The following ZNF254 variants were observed in gnomAD, a reference collection of about 807,000 sequenced individuals.
ZNF254 encodes the protein zinc finger protein 254.
In ZNF254, 10 loss-of-function variants were observed where a neutral mutation model predicts 12.4. The ratio of observed to expected loss-of-function variants is 0.80; its 90% confidence interval spans 0.50 to 1.36. The LOEUF is 1.36. Among genes scored for constraint, ZNF254 ranks in the 40% most tolerant of loss-of-function variants. ZNF254 has a pLI of 0.00. For synonymous variants in ZNF254, 305 were observed against 253.4 expected (o/e 1.20, Z -1.93); for missense variants, 996 against 763.9 (o/e 1.30, Z -3.58).
At chr19:24,116,697 G>T (rs923046343) in intron 3 of ZNF254, among the ~76,000 whole-genome samples, 1 of 152,102 alleles carries the variant, frequency 6.6e-6, no homozygotes, top group Non-Finnish European at 1.5e-5. Flanking sequence ...CTCTCAACTC[G>T]TCAAAGTCAT....
At chr19:24,121,362 T>A (rs1974469063) in intron 3 of ZNF254, among the ~76,000 whole-genome samples, 3 of 152,232 alleles carry the variant, frequency 2.0e-5, no homozygotes, top group South Asian at 4.1e-4. Flanking sequence ...TATATTTTTG[T>A]GTTATATATT....
chr19:24,066,310 C>T (rs1971268045), intron 2 of ZNF254: 1 of 152,170 alleles, frequency 6.6e-6, no homozygotes, highest in African/African-American at 2.4e-5. Context: ...TGACTCTCTT[C>T]TTCTGTTGGT....
chr19:24,097,163 C>T (rs1428261013), intron 1 of ZNF254, among the ~76,000 whole-genome samples: 3 of 151,928 alleles, frequency 2.0e-5, no homozygotes, highest in Non-Finnish European at 4.4e-5. Context: ...TATCTGGGAC[C>T]TGAGATTAAT....
chr19:24,033,670 A>G, intron 1 of ZNF254: 1 of 320,406 alleles, frequency 3.1e-6, no homozygotes, highest in Non-Finnish European at 6.2e-6. Flanking sequence ...GGGCTGTGAA[A>G]CCGGCGGGAC....
Position 24,127,871 on chromosome 19 carries a change from A to T in ZNF254, c.1871A>T (p.His624Leu). ...ACCCTAACTAAACATAAGAGAATTC[A>T]TACTGGAGAGCAACCCTACAAATGG... ...SSTLTKHKRIHTGEQPYKWEK... is the reference protein window; with the variant it reads ...SSTLTKHKRILTGEQPYKWEK... The change falls in exon 4 of 4, where the codon CAT (histidine) becomes CTT (leucine). Residue 624 changes from histidine (H) to leucine (L), a missense_variant. Transcript: ENST00000357002. 6.2e-7 allele frequency: 1 copy of T among 1,613,436 alleles called. No individual in the cohort carries two copies.
At position 24,129,125 on chromosome 19, in the gene ZNF254, T is replaced by C. The variant is rs1006503869; in HGVS notation, c.*1145T>C. 6.6e-6 allele frequency: 1 copy of C among 151,984 alleles called. No homozygotes were observed. Among genetic ancestry groups the C allele is most frequent in the Non-Finnish European group, 1.5e-5 (1 of 67,886 alleles). The allele number at this position is 151,984 out of a possible 1,614,324, so 9.4% of individuals were successfully genotyped here. A position where few individuals can be genotyped will look rare whatever the true frequency, so the allele number is the denominator to read the frequency against. ...ATTTAGGTAGAGAGGCTCTTTGTGG[T>C]TAACTTATAATATTGAGTGATGCAT... On this transcript the variant is annotated 3_prime_UTR_variant, in exon 4 of 4. Coordinates refer to ENST00000357002, the MANE Select transcript of ZNF254 (RefSeq NM_203282.4).
At chr19:24,088,962 ATCTTTTTTTTTTTTT>A (rs1972196030) in intron 1 of ZNF254, among the ~76,000 whole-genome samples, 1 of 126,060 alleles carries the variant, frequency 7.9e-6, no homozygotes, top group Non-Finnish European at 1.6e-5. Flanking sequence ...TGGCCAATTA[ATCTTTTTTTTTTTTT>A]TTTTTTTTTT....
At chr19:24,054,754 A>G (rs1205814788) in intron 2 of ZNF254, among the ~76,000 whole-genome samples, 1 of 152,230 alleles carries the variant, frequency 6.6e-6, no homozygotes, top group Non-Finnish European at 1.5e-5. Flanking sequence ...AACTCAGAAC[A>G]TAGCAGATGA....
intron 1 of ZNF254, among the ~76,000 whole-genome samples, chr19:24,094,763 T>G (rs575436233): frequency 6.8e-4 from 103 of 152,188 alleles, no homozygotes; most frequent in Middle Eastern, 6.8e-3. Context: ...CTCGGCGCTC[T>G]GCAGCCTCCA....
At chr19:24,098,282 T>C (rs1350171507) in intron 1 of ZNF254, 1 of 152,210 alleles carries the variant, frequency 6.6e-6, no homozygotes, top group Non-Finnish European at 1.5e-5. Context: ...TGTCTTTCAT[T>C]TCACAAATTG....
At chr19:24,102,928 G>A (rs2145783218) in intron 1 of ZNF254, among the ~76,000 whole-genome samples, 1 of 152,260 alleles carries the variant, frequency 6.6e-6, no homozygotes, top group South Asian at 2.1e-4. Flanking sequence ...AAATAAAAAT[G>A]CTGGGTCTTT....
chr19:24,052,752 A>T (rs1228352835), intron 2 of ZNF254, among the ~76,000 whole-genome samples: 1 of 152,206 alleles, frequency 6.6e-6, no homozygotes, highest in African/African-American at 2.4e-5. Flanking sequence ...AAGGCAGGTG[A>T]TGTGAGTCTT....
At chr19:24,101,102 C>T (rs1972998808) in intron 1 of ZNF254, among the ~76,000 whole-genome samples, 1 of 152,166 alleles carries the variant, frequency 6.6e-6, no homozygotes, top group Non-Finnish European at 1.5e-5. Context: ...GCCTTGGACT[C>T]CCAAAGTGCT....
At chr19:24,048,743 G>A (rs916476581) in intron 2 of ZNF254, among the ~76,000 whole-genome samples, 2 of 151,606 alleles carry the variant, frequency 1.3e-5, no homozygotes, top group African/African-American at 4.8e-5. Context: ...GTACACTGCA[G>A]TTGCTGTTGT....
At chr19:24,110,906 A>G (rs1336727791) in intron 3 of ZNF254, among the ~76,000 whole-genome samples, 1 of 151,888 alleles carries the variant, frequency 6.6e-6, no homozygotes, top group East Asian at 1.9e-4. Flanking sequence ...TCAGTAAAAC[A>G]ATAGCTTAAG....
At chr19:24,038,735 A>G (rs1377818416) in intron 1 of ZNF254, among the ~76,000 whole-genome samples, 1 of 152,222 alleles carries the variant, frequency 6.6e-6, no homozygotes, top group Non-Finnish European at 1.5e-5. Context: ...CTGCAGGCAG[A>G]ATGGCCTTTC....
chr19:24,036,349 G>A (rs1224544829), intron 1 of ZNF254, among the ~76,000 whole-genome samples: 2 of 152,016 alleles, frequency 1.3e-5, no homozygotes, highest in African/African-American at 4.8e-5. Flanking sequence ...GAGCCACCGC[G>A]CCTGGCTGCA....
At chr19:24,040,728 G>A (rs1275561162) in intron 1 of ZNF254, among the ~76,000 whole-genome samples, 7 of 152,190 alleles carry the variant, frequency 4.6e-5, no homozygotes, top group African/African-American at 1.7e-4. Context: ...CTGTATTAAT[G>A]TATGTGTACA....
intron 3 of ZNF254, among the ~76,000 whole-genome samples, chr19:24,112,860 C>T (rs916618699): frequency 6.6e-6 from 1 of 152,084 alleles, no homozygotes. Context: ...CACCACTGAT[C>T]CCACAGAAAT....
Sources: allele counts gnomAD v4.1 joint callset (sites outside exome capture counted in the v4.1 genomes callset), GRCh38; gene constraint gnomAD v4.1.1; transcripts MANE v1.5; gene names NCBI Gene and HGNC (gene_info 2026-07-23, HGNC 2026-07-21).